The following MECOM variants were observed in gnomAD, a reference collection of about 807,000 sequenced individuals.
MECOM encodes MDS1 and EVI1 complex locus, also known as histone-lysine N-methyltransferase MECOM.
MECOM carries 13 observed loss-of-function variants against 116.3 expected under a neutral mutation model. That is an observed-to-expected ratio of 0.11 (90% CI 0.07 to 0.18). The LOEUF (loss-of-function observed/expected upper bound fraction) is 0.18, where lower values mean the gene tolerates loss of function less well. Ranked by LOEUF, MECOM falls within the 10% of genes least tolerant of loss-of-function variation. The pLI, the probability that MECOM is intolerant of heterozygous loss-of-function variation, is 1.00. For missense variants in MECOM, 1,299 were observed against 1,509.0 expected (o/e 0.86, Z 2.31); for synonymous variants, 528 against 535.2 (o/e 0.99, Z 0.19).
At chr3:169,507,723 G>A (rs1236575003) in intron 1 of MECOM, among the ~76,000 whole-genome samples, 1 of 136,470 alleles carries the variant, frequency 7.3e-6, no homozygotes, top group Admixed American at 8.0e-5. Context: ...GTGCAGTGGC[G>A]CGATCTCGGC....
At chr3:169,478,779 G>T (rs572831672) in intron 1 of MECOM, among the ~76,000 whole-genome samples, 1 of 152,170 alleles carries the variant, frequency 6.6e-6, no homozygotes, top group Admixed American at 6.5e-5. Context: ...ATATCTGGGG[G>T]TGTTCCTCTG....
At chr3:169,171,389 C>A (rs1001173530) in intron 2 of MECOM, among the ~76,000 whole-genome samples, 2 of 152,040 alleles carry the variant, frequency 1.3e-5, no homozygotes, top group Non-Finnish European at 2.9e-5. Context: ...AAGACAGGAC[C>A]CTTGGCGTTA....
Position 169,598,499 on chromosome 3 carries a change from A to T in MECOM, c.37+64837T>A, listed in dbSNP as rs150781303. ...AATTAAAATGTAAGAAGATAGCAGA[A>T]CAAAGTCTTCCAGTAACTATTTTTT... On this transcript the variant is annotated intron_variant, in intron 1 of 16. Coordinates refer to ENST00000651503, the MANE Select transcript of MECOM (RefSeq NM_004991.4). 2.6e-3 allele frequency among the ~76,000 whole-genome samples: 390 copies of T among 152,354 alleles called. 5 individuals are homozygous for T. Among genetic ancestry groups the T allele is most frequent in the African/African-American group, 9.1e-3 (380 of 41,578 alleles).
intron 2 of MECOM, among the ~76,000 whole-genome samples, chr3:169,378,515 A>G (rs1342409653): frequency 2.8e-4 from 4 of 14,076 alleles, no homozygotes; most frequent in African/African-American, 1.1e-3. Flanking sequence ...GAAAGAAAGA[A>G]AAGAAAGAAA....
chr3:169,124,234 G>C (rs1577050446), intron 5 of MECOM, among the ~76,000 whole-genome samples: 2 of 152,094 alleles, frequency 1.3e-5, no homozygotes, highest in Middle Eastern at 6.8e-3. Context: ...CAAGTCTATA[G>C]GAAATTAGAG....
intron 2 of MECOM, among the ~76,000 whole-genome samples, chr3:169,349,241 C>T (rs1170027136): frequency 6.6e-6 from 1 of 151,830 alleles, no homozygotes; most frequent in Non-Finnish European, 1.5e-5. Context: ...CCTTCTTGCT[C>T]TTTTTCTTTT....
intron 2 of MECOM, among the ~76,000 whole-genome samples, chr3:169,377,431 A>G (rs1577908355): frequency 6.6e-6 from 1 of 152,354 alleles, no homozygotes; most frequent in East Asian, 1.9e-4. Flanking sequence ...CATCTGACAA[A>G]GGGTAATGTC....
At chr3:169,157,619 C>A (rs917360574) in intron 2 of MECOM, among the ~76,000 whole-genome samples, 6 of 152,154 alleles carry the variant, frequency 3.9e-5, no homozygotes, top group African/African-American at 1.2e-4. Flanking sequence ...TTGAAAATAT[C>A]TTTCTGTAAA....
chr3:169,420,102 G>A (rs1739448719), intron 1 of MECOM, among the ~76,000 whole-genome samples: 1 of 152,132 alleles, frequency 6.6e-6, no homozygotes, highest in Non-Finnish European at 1.5e-5. Context: ...TAAAAAGCCA[G>A]GAAACAACAG....
intron 2 of MECOM, among the ~76,000 whole-genome samples, chr3:169,364,688 G>A (rs1728861053): frequency 6.6e-6 from 1 of 151,958 alleles, no homozygotes. Context: ...AAAAGCAGTT[G>A]CCCATTCATC....
At chr3:169,134,564 A>C (rs754563590) in intron 3 of MECOM, among the ~76,000 whole-genome samples, 1 of 152,220 alleles carries the variant, frequency 6.6e-6, no homozygotes, top group Non-Finnish European at 1.5e-5. Flanking sequence ...ATGCTTCCCC[A>C]TATAGCAATA....
At chr3:169,643,531 G>A (rs1188026900) in intron 1 of MECOM, among the ~76,000 whole-genome samples, 3 of 152,122 alleles carry the variant, frequency 2.0e-5, no homozygotes, top group Admixed American at 6.6e-5. Flanking sequence ...GTGTGAATGA[G>A]CACAAACCAA....
intron 1 of MECOM, among the ~76,000 whole-genome samples, chr3:169,659,855 C>T (rs1207720093): frequency 2.0e-5 from 3 of 152,024 alleles, no homozygotes; most frequent in Admixed American, 6.6e-5. Flanking sequence ...TCGGCATCTA[C>T]CTTTCCTACT....
At chr3:169,102,287 T>G in intron 10 of MECOM, 61 bp from the exon 11 acceptor site, 9 of 1,485,984 alleles carry the variant, frequency 6.1e-6, no homozygotes, top group Non-Finnish European at 8.2e-6. Flanking sequence ...TAATAATCTC[T>G]GGCAAACCAA....
intron 1 of MECOM, among the ~76,000 whole-genome samples, chr3:169,633,995 T>A (rs1005116767): frequency 7.3e-5 from 11 of 151,308 alleles, no homozygotes; most frequent in Non-Finnish European, 2.9e-5. Context: ...ACCACAGCCC[T>A]GCTGTTAGAG....
chr3:169,571,846 G>T (rs1322991607), intron 1 of MECOM, among the ~76,000 whole-genome samples: 3 of 152,146 alleles, frequency 2.0e-5, no homozygotes, highest in Non-Finnish European at 4.4e-5. Context: ...ACTAAAGATG[G>T]ATTAAAAACT....
At chr3:169,448,198 C>A (rs1399351053) in intron 1 of MECOM, among the ~76,000 whole-genome samples, 1 of 152,128 alleles carries the variant, frequency 6.6e-6, no homozygotes. Context: ...CTCATGAGCT[C>A]CTTGATCTAA....
chr3:169,182,709 T>C (rs1746135194), intron 2 of MECOM, among the ~76,000 whole-genome samples: 1 of 152,202 alleles, frequency 6.6e-6, no homozygotes, highest in Non-Finnish European at 1.5e-5. Flanking sequence ...CCTTCTGTAC[T>C]AATGATTTTA....
chr3:169,548,122 C>T (rs953136481), intron 1 of MECOM, among the ~76,000 whole-genome samples: 10 of 151,910 alleles, frequency 6.6e-5, no homozygotes, highest in African/African-American at 2.4e-4. Context: ...GAAACTAGAC[C>T]TTACTCAAGT....
Sources: gnomAD v4.1 joint callset for allele counts (sites outside exome capture counted in the v4.1 genomes callset) on GRCh38, gnomAD v4.1.1 for gene constraint, MANE v1.5 for transcripts, NCBI Gene and HGNC (gene_info 2026-07-23, HGNC 2026-07-21) for gene names.